Variants in SEMA5B observed in about 807,000 individuals in gnomAD.
SEMA5B encodes semaphorin 5B, also known as semaphorin-5B.
SEMA5B carries 66 observed loss-of-function variants against 135.0 expected under a neutral mutation model. The observed-to-expected ratio is 0.49, with a 90% CI of 0.40 to 0.60. The LOEUF (loss-of-function observed/expected upper bound fraction) is 0.60. Among genes scored for constraint, SEMA5B ranks in the 20% least tolerant of loss-of-function variants. The pLI, the probability that SEMA5B is intolerant of heterozygous loss-of-function variation, is 0.00. For synonymous variants in SEMA5B, 690 were observed against 639.5 expected (o/e 1.08, Z -1.19); for missense variants, 1,501 against 1,566.3 (o/e 0.96, Z 0.70).
rs143367614 is a variant in SEMA5B, at chr3:122,953,571, C to T, written c.125-4862G>A. Among the ~76,000 whole-genome samples the T allele has an allele frequency of 4.8e-4, 73 of 152,212 alleles. 1 individual carries two copies. In the East Asian group the frequency reaches 0.012, roughly 25 times the overall value. Reference sequence around the variant, plus strand: ...GAGAGAAGGGAAGGACAGGACATGACGGGTGGGGAAAGGATGGAACAGGGC... The same window carrying T: ...GAGAGAAGGGAAGGACAGGACATGATGGGTGGGGAAAGGATGGAACAGGGC... On this transcript the variant is annotated intron_variant, in intron 2 of 22. Coordinates refer to ENST00000357599, the MANE Select transcript of SEMA5B (RefSeq NM_001031702.4).
chr3:122,912,358 G>C lies in SEMA5B; in HGVS notation c.2726-16C>G, dbSNP rs369784367. The C allele has an allele frequency of 6.4e-7, 1 of 1,566,406 alleles. No homozygotes were observed. Among genetic ancestry groups the C allele is most frequent in the Non-Finnish European group, 8.7e-7 (1 of 1,155,560 alleles). ...GCACCCCGAACTGCAAGGGGACGGG[G>C]TGTGTGAGGGGCTGTAGGGGCAGCC... On this transcript the variant is annotated splice_polypyrimidine_tract_variant and intron_variant, in intron 18 of 22. Transcript: ENST00000357599.
At chr3:122,940,622 C>G (rs1001489248) in intron 4 of SEMA5B, among the ~76,000 whole-genome samples, 3 of 152,190 alleles carry the variant, frequency 2.0e-5, no homozygotes, top group African/African-American at 7.2e-5. Context: ...GGAGTGGGAC[C>G]GGAAGAGAAA....
chr3:122,923,541 T>C, intron 10 of SEMA5B, 76 bp downstream of exon 10: 2 of 1,546,016 alleles, frequency 1.3e-6, no homozygotes, highest in Non-Finnish European at 1.8e-6. Flanking sequence ...GCTAAGCAGT[T>C]GGGAATCAGC....
chr3:122,982,553 G>A (rs903066956), intron 1 of SEMA5B, among the ~76,000 whole-genome samples: 11 of 152,174 alleles, frequency 7.2e-5, no homozygotes, highest in South Asian at 2.1e-4. Flanking sequence ...AATTGACTAC[G>A]GTTGGCAAAA....
At chr3:122,989,803 G>T (rs1560417256) in intron 1 of SEMA5B, among the ~76,000 whole-genome samples, 1 of 152,296 alleles carries the variant, frequency 6.6e-6, no homozygotes, top group East Asian at 1.9e-4. Flanking sequence ...GAGAAAATTG[G>T]TTCCCTGGGG....
At chr3:123,008,452 G>A (rs955454202) in intron 1 of SEMA5B, among the ~76,000 whole-genome samples, 5 of 152,144 alleles carry the variant, frequency 3.3e-5, no homozygotes, top group African/African-American at 1.2e-4. Flanking sequence ...CAGAGTTCAG[G>A]GCCCAGGAGA....
At chr3:122,926,824 T>A in intron 8 of SEMA5B, 147 bp from the exon 9 acceptor site, 1 of 842,756 alleles carries the variant, frequency 1.2e-6, no homozygotes, top group Non-Finnish European at 1.8e-6. Flanking sequence ...GGGCCCTAAC[T>A]AACTCTCTTC....
At chr3:122,986,712 CACAT>C (rs1221015029) in intron 1 of SEMA5B, among the ~76,000 whole-genome samples, 1 of 152,130 alleles carries the variant, frequency 6.6e-6, no homozygotes, top group Non-Finnish European at 1.5e-5. Flanking sequence ...CACACACACA[CACAT>C]ACAAACATGC....
At chr3:122,956,320 C>T (rs901179832) in intron 2 of SEMA5B, among the ~76,000 whole-genome samples, 6 of 152,218 alleles carry the variant, frequency 3.9e-5, no homozygotes, top group Non-Finnish European at 7.4e-5. Flanking sequence ...TGAATGCACG[C>T]GCATGTGTGT....
At chr3:122,939,525 A>C (rs1939458588) in intron 4 of SEMA5B, 55 bp from the exon 5 acceptor site, 6 of 1,440,986 alleles carry the variant, frequency 4.2e-6, no homozygotes, top group Non-Finnish European at 4.9e-6. Flanking sequence ...GGCAGGACCC[A>C]GGGAGCAGCC....
At chr3:122,990,670 G>A (rs568359508) in intron 1 of SEMA5B, among the ~76,000 whole-genome samples, 12 of 152,176 alleles carry the variant, frequency 7.9e-5, no homozygotes, top group African/African-American at 2.4e-4. Context: ...GTTCTGGAAG[G>A]TCTCCTTCAT....
At chr3:122,941,092 T>A (rs1467395434) in intron 4 of SEMA5B, among the ~76,000 whole-genome samples, 1 of 152,166 alleles carries the variant, frequency 6.6e-6, no homozygotes, top group African/African-American at 2.4e-5. Flanking sequence ...AAGGGAGGGT[T>A]ATAAATGAAT....
intron 1 of SEMA5B, chr3:122,993,365 G>A (rs1256221673): frequency 6.6e-6 from 1 of 152,252 alleles, no homozygotes; most frequent in African/African-American, 2.4e-5. Context: ...CACAAGGGCT[G>A]GCTCCCTCTC....
chr3:122,920,332 G>A (rs1205711686), intron 12 of SEMA5B, among the ~76,000 whole-genome samples: 1 of 152,228 alleles, frequency 6.6e-6, no homozygotes, highest in Non-Finnish European at 1.5e-5. Flanking sequence ...TGGGCTGGGT[G>A]GGACTCCCTG....
At chr3:122,920,581 T>C (rs985740885) in intron 12 of SEMA5B, among the ~76,000 whole-genome samples, 3 of 152,210 alleles carry the variant, frequency 2.0e-5, no homozygotes, top group Admixed American at 1.3e-4. Context: ...TGAATACTAG[T>C]CCCAATCCTT....
chr3:122,911,664 C>T, intron 20 of SEMA5B, 129 bp from the exon 21 acceptor site: 1 of 1,021,928 alleles, frequency 9.8e-7, no homozygotes. Context: ...GCGTGGGGGC[C>T]TTCATTCCCC....
At chr3:122,944,079 C>T (rs937609941) in intron 3 of SEMA5B, among the ~76,000 whole-genome samples, 25 of 152,322 alleles carry the variant, frequency 1.6e-4, no homozygotes, top group African/African-American at 6.0e-4. Context: ...ATCCATAGCT[C>T]CCAACTACCC....
At chr3:123,019,335 C>T (rs1308152809) in intron 1 of SEMA5B, among the ~76,000 whole-genome samples, 1 of 152,194 alleles carries the variant, frequency 6.6e-6, no homozygotes, top group Non-Finnish European at 1.5e-5. Context: ...GTAGCTCATG[C>T]TTGTAATTCC....
Position 122,926,680 on chromosome 3 carries a change from G to A in SEMA5B, c.851-3C>T. Reference sequence around the variant, plus strand: ...ATAGGCTGCCACGAAGTTTGGCTCTGGGTGGGCAGAAGAGGAACAAGGGGC... The same window carrying A: ...ATAGGCTGCCACGAAGTTTGGCTCTAGGTGGGCAGAAGAGGAACAAGGGGC... On this transcript the variant is annotated splice_region_variant and splice_polypyrimidine_tract_variant and intron_variant, in intron 8 of 22. Coordinates refer to ENST00000357599, the MANE Select transcript of SEMA5B (RefSeq NM_001031702.4). The A allele has an allele frequency of 1.2e-6, 2 of 1,609,308 alleles. No individual in the cohort carries two copies. Among genetic ancestry groups the A allele is most frequent in the Non-Finnish European group, 1.7e-6 (2 of 1,175,842 alleles).
Sources: allele counts gnomAD v4.1 joint callset (sites outside exome capture counted in the v4.1 genomes callset), GRCh38; gene constraint gnomAD v4.1.1; transcripts MANE v1.5; gene names NCBI Gene and HGNC (gene_info 2026-07-23, HGNC 2026-07-21).